Variants in DACH1 observed in about 807,000 individuals in gnomAD.
The protein encoded by DACH1 is dachshund homolog 1.
Under a neutral mutation model 54.2 loss-of-function variants are expected in DACH1, and 12 were observed. The ratio of observed to expected loss-of-function variants is 0.22; its 90% CI spans 0.14 to 0.36. The LOEUF is 0.36. DACH1 is among the 10% of genes least tolerant of loss of function. The probability of loss-of-function intolerance (pLI) is 1.00; values close to 1 mark genes in which losing one functional copy is unlikely to be tolerated. For synonymous variants in DACH1, 386 were observed against 366.2 expected (o/e 1.05, Z -0.62); for missense variants, 805 against 929.8 (o/e 0.87, Z 1.75).
At chr13:71,706,831 A>G (rs1003899670) in intron 1 of DACH1, among the ~76,000 whole-genome samples, 4 of 152,184 alleles carry the variant, frequency 2.6e-5, no homozygotes, top group Non-Finnish European at 4.4e-5. Context: ...TTTCAACTCT[A>G]TTTCCAACTG....
At chr13:71,837,036 G>A (rs1888817585) in intron 1 of DACH1, among the ~76,000 whole-genome samples, 1 of 151,640 alleles carries the variant, frequency 6.6e-6, no homozygotes, top group Non-Finnish European at 1.5e-5. Context: ...ACAATTCTGA[G>A]GCCTCTTAAT....
At chr13:71,515,113 T>C (rs2138266875) in intron 6 of DACH1, among the ~76,000 whole-genome samples, 1 of 152,030 alleles carries the variant, frequency 6.6e-6, no homozygotes, top group South Asian at 2.1e-4. Flanking sequence ...ATGATATTTT[T>C]CCAGAATACA....
chr13:71,693,463 C>T (rs1881635450), intron 1 of DACH1, among the ~76,000 whole-genome samples: 1 of 146,456 alleles, frequency 6.8e-6, no homozygotes, highest in South Asian at 2.2e-4. Flanking sequence ...CCACCACGCC[C>T]GGCAAATTTT....
chr13:71,452,873 T>C (rs1875197108), intron 10 of DACH1, among the ~76,000 whole-genome samples: 1 of 152,258 alleles, frequency 6.6e-6, no homozygotes, highest in South Asian at 2.1e-4. Flanking sequence ...ATTACTGTTC[T>C]GTTTGACTCT....
At chr13:71,839,494 C>G (rs935439160) in intron 1 of DACH1, among the ~76,000 whole-genome samples, 3 of 152,092 alleles carry the variant, frequency 2.0e-5, no homozygotes, top group African/African-American at 7.2e-5. Flanking sequence ...GTAGTCCCAG[C>G]TACTCGGGAG....
At chr13:71,451,991 T>C (rs973326579) in intron 10 of DACH1, among the ~76,000 whole-genome samples, 9 of 152,200 alleles carry the variant, frequency 5.9e-5, no homozygotes, top group Non-Finnish European at 1.0e-4. Flanking sequence ...CAGAAAATAT[T>C]ATATAGACAG....
chr13:71,564,202 A>G (rs926895276), intron 4 of DACH1, among the ~76,000 whole-genome samples: 1 of 152,070 alleles, frequency 6.6e-6, no homozygotes, highest in Non-Finnish European at 1.5e-5. Flanking sequence ...AATGAGTTTT[A>G]TTCAGACATA....
intron 2 of DACH1, among the ~76,000 whole-genome samples, chr13:71,673,379 A>T (rs970124711): frequency 1.3e-5 from 2 of 152,128 alleles, no homozygotes; most frequent in Admixed American, 6.5e-5. Context: ...TCTGTAGTTC[A>T]TCATAACAAG....
intron 8 of DACH1, among the ~76,000 whole-genome samples, chr13:71,477,563 G>A (rs1309812202): frequency 6.6e-6 from 1 of 152,124 alleles, no homozygotes; most frequent in Non-Finnish European, 1.5e-5. Flanking sequence ...GATTTTAAAC[G>A]TTAATTTCCC....
intron 1 of DACH1, among the ~76,000 whole-genome samples, chr13:71,826,756 T>C (rs1000322181): frequency 6.6e-6 from 1 of 152,126 alleles, no homozygotes; most frequent in Non-Finnish European, 1.5e-5. Context: ...CCGAAGTAGA[T>C]CCTTGAGGAC....
chr13:71,608,823 A>T (rs149264636), intron 3 of DACH1, among the ~76,000 whole-genome samples: 1 of 152,190 alleles, frequency 6.6e-6, no homozygotes, highest in Admixed American at 6.5e-5. Flanking sequence ...GCTTTTGCAA[A>T]CTTTACATGC....
intron 3 of DACH1, among the ~76,000 whole-genome samples, chr13:71,613,793 C>T (rs1324516278): frequency 6.6e-6 from 1 of 152,150 alleles, no homozygotes; most frequent in Non-Finnish European, 1.5e-5. Context: ...CTCACTGCTG[C>T]AGCCTGGACC....
intron 1 of DACH1, among the ~76,000 whole-genome samples, chr13:71,862,331 C>T (rs902881054): frequency 4.6e-5 from 7 of 151,896 alleles, no homozygotes; most frequent in African/African-American, 1.7e-4. Flanking sequence ...GAGATTTGAC[C>T]ATGTACATAA....
At chr13:71,657,267 C>T (rs147431712) in intron 2 of DACH1, among the ~76,000 whole-genome samples, 5 of 151,800 alleles carry the variant, frequency 3.3e-5, no homozygotes, top group South Asian at 2.1e-4. Context: ...CTTCCTAGGC[C>T]GGGTATAGTG....
chr13:71,650,603 A>C (rs2138621622), intron 2 of DACH1, among the ~76,000 whole-genome samples: 1 of 152,334 alleles, frequency 6.6e-6, no homozygotes, highest in African/African-American at 2.4e-5. Flanking sequence ...TACAAGAAAC[A>C]CTTTCTCTCT....
intron 1 of DACH1, among the ~76,000 whole-genome samples, chr13:71,779,282 C>CGTATATATGT (rs1566495252): frequency 5.4e-5 from 5 of 92,332 alleles, no homozygotes; most frequent in African/African-American, 3.1e-4. Flanking sequence ...TACGTATATA[C>CGTATATATGT]GTATATATAC....
At chr13:71,827,815 T>A (rs898173058) in intron 1 of DACH1, among the ~76,000 whole-genome samples, 23 of 152,038 alleles carry the variant, frequency 1.5e-4, no homozygotes, top group African/African-American at 5.6e-4. Context: ...TATTCACAAT[T>A]TTAAGGCAAA....
chr13:71,450,328 G>A (rs1404164302), intron 10 of DACH1, among the ~76,000 whole-genome samples: 2 of 151,922 alleles, frequency 1.3e-5, no homozygotes, highest in Non-Finnish European at 2.9e-5. Flanking sequence ...GATTATACCT[G>A]TTTTGGTGAT....
chr13:71,598,760 A>G (rs1174628530), intron 3 of DACH1, among the ~76,000 whole-genome samples: 2 of 152,182 alleles, frequency 1.3e-5, no homozygotes, highest in Non-Finnish European at 2.9e-5. Flanking sequence ...CATTTATCAC[A>G]TATTCAAAAT....
Sources: gnomAD v4.1 joint callset for allele counts (sites outside exome capture counted in the v4.1 genomes callset) on GRCh38, gnomAD v4.1.1 for gene constraint, MANE v1.5 for transcripts, NCBI Gene and HGNC (gene_info 2026-07-23, HGNC 2026-07-21) for gene names.